The following CAST variants were observed in gnomAD, a reference collection of about 807,000 sequenced individuals.
The protein encoded by CAST is MIR583 host.
Under a neutral mutation model 119.6 loss-of-function variants are expected in CAST, and 76 were observed. That is an observed-to-expected ratio of 0.64 (90% confidence interval 0.53 to 0.77). The LOEUF (loss-of-function observed/expected upper bound fraction) is 0.77, where lower values mean the gene tolerates loss of function less well. Among genes scored for constraint, CAST ranks in the 30% least tolerant of loss-of-function variants. The pLI is 0.00. For synonymous variants in CAST, 319 were observed against 331.6 expected (o/e 0.96, Z 0.41); for missense variants, 953 against 946.5 (o/e 1.01, Z -0.09).
intron 1 of CAST, among the ~76,000 whole-genome samples, chr5:96,587,282 A>G (rs1746877707): frequency 6.6e-6 from 1 of 152,204 alleles, no homozygotes; most frequent in Non-Finnish European, 1.5e-5. Context: ...GAAGGTCTAT[A>G]GCATGTGCCT....
chr5:96,114,776 A>G, the CAST span, among the ~76,000 whole-genome samples: 1 of 152,212 alleles, frequency 6.6e-6, no homozygotes, highest in African/African-American at 2.4e-5. Flanking sequence ...AGGGCCCCTA[A>G]GACCTCATCT....
the CAST span, among the ~76,000 whole-genome samples, chr5:96,069,520 G>T: frequency 1.3e-5 from 2 of 151,752 alleles, no homozygotes; most frequent in South Asian, 4.2e-4. Context: ...GTCTTGCTCT[G>T]TCACCCAGGC....
chr5:96,040,725 A>G, the CAST span, among the ~76,000 whole-genome samples: 1 of 152,190 alleles, frequency 6.6e-6, no homozygotes, highest in Admixed American at 6.5e-5. Context: ...GAGGAAGCCA[A>G]TTTGATCATG....
chr5:96,586,226 G>A (rs1288037325), intron 1 of CAST, among the ~76,000 whole-genome samples: 1 of 152,202 alleles, frequency 6.6e-6, no homozygotes, highest in Non-Finnish European at 1.5e-5. Flanking sequence ...TCAATAAGGT[G>A]AAAAGTTAGT....
chr5:96,017,736 T>A, the CAST span, among the ~76,000 whole-genome samples: 1 of 152,200 alleles, frequency 6.6e-6, no homozygotes, highest in African/African-American at 2.4e-5. Flanking sequence ...TTTATATCAG[T>A]TATAATTAAA....
At chr5:96,076,271 G>A in the CAST span, among the ~76,000 whole-genome samples, 1 of 152,206 alleles carries the variant, frequency 6.6e-6, no homozygotes, top group East Asian at 1.9e-4. Flanking sequence ...TCTATCTTCA[G>A]TGTTTTTTAG....
At chr5:96,116,170 C>A in the CAST span, among the ~76,000 whole-genome samples, 2 of 152,044 alleles carry the variant, frequency 1.3e-5, no homozygotes, top group Non-Finnish European at 2.9e-5. Context: ...TTACCTTTTC[C>A]AGATTGTCAT....
chr5:96,324,354 T>C, the CAST span, among the ~76,000 whole-genome samples: 1 of 152,238 alleles, frequency 6.6e-6, no homozygotes, highest in African/African-American at 2.4e-5. Flanking sequence ...CCTTAACTTA[T>C]TATTTCCATT....
the CAST span, among the ~76,000 whole-genome samples, chr5:96,233,707 G>T: frequency 1.3e-5 from 2 of 151,958 alleles, no homozygotes; most frequent in African/African-American, 2.4e-5. Context: ...AAATATTTTG[G>T]TCAGTAACTT....
chr5:96,455,464 A>G, the CAST span, among the ~76,000 whole-genome samples: 2 of 152,260 alleles, frequency 1.3e-5, 1 homozygote, highest in Admixed American at 1.3e-4. Context: ...CCTTGGCAAC[A>G]TGGTTCCAAT....
At chr5:96,611,516 G>A (rs1039122969) in intron 1 of CAST, among the ~76,000 whole-genome samples, 1 of 151,898 alleles carries the variant, frequency 6.6e-6, no homozygotes. Context: ...CTACAAGAAA[G>A]CCTACAAAAA....
At chr5:96,398,709 G>A in the CAST span, among the ~76,000 whole-genome samples, 1 of 152,296 alleles carries the variant, frequency 6.6e-6, no homozygotes, top group East Asian at 1.9e-4. Flanking sequence ...GAAATGGGCA[G>A]GGCAGAGGGA....
intron 2 of CAST, among the ~76,000 whole-genome samples, chr5:96,688,521 T>C (rs577266398): frequency 6.6e-6 from 1 of 152,206 alleles, no homozygotes; most frequent in Admixed American, 6.5e-5. Flanking sequence ...ATAGCGCTGA[T>C]ATACTGACGA....
the CAST span, among the ~76,000 whole-genome samples, chr5:96,400,977 C>G: frequency 2.2e-5 from 3 of 134,016 alleles, no homozygotes; most frequent in Non-Finnish European, 4.8e-5. Flanking sequence ...GTCCCAGCTA[C>G]TCGGGAGGCT....
At chr5:96,033,006 T>C in the CAST span, among the ~76,000 whole-genome samples, 1 of 152,056 alleles carries the variant, frequency 6.6e-6, no homozygotes, top group East Asian at 1.9e-4. Context: ...CATACAAAAA[T>C]AGTAGCATTT....
intron 1 of CAST, among the ~76,000 whole-genome samples, chr5:96,620,671 T>G (rs978842596): frequency 2.0e-5 from 3 of 152,168 alleles, no homozygotes; most frequent in Non-Finnish European, 4.4e-5. Flanking sequence ...CATTGTAAGT[T>G]AAGCAGCATA....
chr5:96,372,972 T>C, the CAST span, among the ~76,000 whole-genome samples: 1 of 152,208 alleles, frequency 6.6e-6, no homozygotes, highest in African/African-American at 2.4e-5. Context: ...AGGGCATTGC[T>C]AATTAGGATA....
chr5:96,057,864 T>C, the CAST span, among the ~76,000 whole-genome samples: 1 of 152,200 alleles, frequency 6.6e-6, no homozygotes, highest in Non-Finnish European at 1.5e-5. Context: ...AGATGTTATA[T>C]TTTTGGTTTC....
At chr5:96,701,011 C>T (rs979773289) in intron 3 of CAST, among the ~76,000 whole-genome samples, 1 of 152,072 alleles carries the variant, frequency 6.6e-6, no homozygotes, top group African/African-American at 2.4e-5. Context: ...ACTGCAACCT[C>T]CACCTTCCAG....
Sources: gnomAD v4.1 joint callset for allele counts (sites outside exome capture counted in the v4.1 genomes callset) on GRCh38, gnomAD v4.1.1 for gene constraint, MANE v1.5 for transcripts, NCBI Gene and HGNC (gene_info 2026-07-23, HGNC 2026-07-21) for gene names.